The following CAST variants were observed in gnomAD, a reference collection of about 807,000 sequenced individuals.
CAST encodes MIR583 host.
CAST carries 76 observed loss-of-function variants against 119.6 expected under a neutral mutation model. The observed-to-expected ratio is 0.64, with a 90% CI of 0.53 to 0.77. CAST has a LOEUF of 0.77. CAST is among the 30% of genes least tolerant of loss of function. CAST has a pLI of 0.00. For synonymous variants in CAST, 319 were observed against 331.6 expected (o/e 0.96, Z 0.41); for missense variants, 953 against 946.5 (o/e 1.01, Z -0.09).
chr5:96,199,041 G>T, the CAST span, among the ~76,000 whole-genome samples: 50 of 152,210 alleles, frequency 3.3e-4, 1 homozygote, highest in African/African-American at 1.1e-3. Context: ...GAGCCAAAGG[G>T]ACTGGTTTTC....
the CAST span, among the ~76,000 whole-genome samples, chr5:95,982,373 A>G: frequency 4.6e-5 from 7 of 151,850 alleles, no homozygotes; most frequent in African/African-American, 1.7e-4. Flanking sequence ...GATTTGTGTA[A>G]CCACTAGCAC....
the CAST span, among the ~76,000 whole-genome samples, chr5:96,243,763 C>T: frequency 2.6e-5 from 4 of 151,980 alleles, 1 homozygote; most frequent in South Asian, 8.3e-4. Flanking sequence ...TTTTTTCTGC[C>T]CAGATTCATT....
chr5:96,113,708 G>A, the CAST span, among the ~76,000 whole-genome samples: 1 of 152,232 alleles, frequency 6.6e-6, no homozygotes, highest in Non-Finnish European at 1.5e-5. Context: ...CCTTGCAGGA[G>A]TGCCAGTAAG....
chr5:96,150,225 T>G, the CAST span, among the ~76,000 whole-genome samples: 2 of 152,202 alleles, frequency 1.3e-5, no homozygotes, highest in African/African-American at 4.8e-5. Context: ...TCAAGTCCCT[T>G]GGCTTTCTAA....
At chr5:96,708,555 A>G (rs1055830112) in intron 3 of CAST, among the ~76,000 whole-genome samples, 13 of 152,174 alleles carry the variant, frequency 8.5e-5, no homozygotes, top group Non-Finnish European at 4.4e-5. Context: ...CAGTGGCACA[A>G]TCACAGCTCA....
chr5:96,619,354 A>C (rs1747540756), intron 1 of CAST, among the ~76,000 whole-genome samples: 1 of 152,202 alleles, frequency 6.6e-6, no homozygotes. Flanking sequence ...ACCAATCAGC[A>C]CCCTGTCAAA....
At chr5:96,545,256 G>A (rs1745988685) in intron 1 of CAST, 1 of 152,182 alleles carries the variant, frequency 6.6e-6, no homozygotes, top group African/African-American at 2.4e-5. Flanking sequence ...TTGGTTGGAA[G>A]CAAGAATCTC....
the CAST span, among the ~76,000 whole-genome samples, chr5:96,327,054 G>T: frequency 1.3e-5 from 2 of 152,174 alleles, no homozygotes; most frequent in Non-Finnish European, 2.9e-5. Flanking sequence ...TGGGCAAGGG[G>T]ATGGTTTTGG....
rs1040853591 is a variant in CAST at position 96,772,713 on chromosome 5, A to G, written c.*97A>G. ...CAAAAGGCTTTGGCAACAGAAAACA[A>G]TTGTTCTGGGTGATTTCTAGAATGG... is the stretch of plus-strand genomic sequence containing the variant. On this transcript the variant is annotated 3_prime_UTR_variant, in exon 32 of 32. Transcript: ENST00000675179. 1.3e-5 allele frequency: 2 copies of G among 152,714 alleles called. No individual in the cohort carries two copies. Among genetic ancestry groups the G allele is most frequent in the Non-Finnish European group, 1.5e-5 (1 of 67,998 alleles). 9.5% of individuals were successfully genotyped at this position (152,714 alleles called of 1,614,324 possible). A position where few individuals can be genotyped will look rare whatever the true frequency, so the allele number is the denominator to read the frequency against.
chr5:96,672,488 A>G (rs770876780), intron 1 of CAST, among the ~76,000 whole-genome samples: 1 of 152,094 alleles, frequency 6.6e-6, no homozygotes, highest in Non-Finnish European at 1.5e-5. Context: ...GGGTGGATCA[A>G]CTGATGTCAG....
the CAST span, among the ~76,000 whole-genome samples, chr5:96,150,007 T>C: frequency 6.6e-6 from 1 of 152,210 alleles, no homozygotes; most frequent in African/African-American, 2.4e-5. Flanking sequence ...CTTCATCCTA[T>C]TGTATATTTG....
intron 25 of CAST, among the ~76,000 whole-genome samples, chr5:96,764,955 G>A (rs1769323682): frequency 1.3e-5 from 2 of 152,208 alleles, no homozygotes; most frequent in South Asian, 4.1e-4. Flanking sequence ...TTAACCTGGT[G>A]GGATCTTCAC....
chr5:96,383,626 T>G, the CAST span, among the ~76,000 whole-genome samples: 1 of 152,154 alleles, frequency 6.6e-6, no homozygotes, highest in South Asian at 2.1e-4. Context: ...TTTTGTATTT[T>G]TAGTAGAGAT....
At chr5:96,185,818 T>A in the CAST span, among the ~76,000 whole-genome samples, 1 of 152,134 alleles carries the variant, frequency 6.6e-6, no homozygotes, top group Non-Finnish European at 1.5e-5. Flanking sequence ...CTTAGGGTTG[T>A]CTTGGCTATT....
the CAST span, among the ~76,000 whole-genome samples, chr5:96,420,453 T>C: frequency 1.3e-5 from 2 of 152,208 alleles, no homozygotes; most frequent in Admixed American, 6.5e-5. Context: ...ATTGTGTTTT[T>C]ACTGGAATGT....
chr5:96,421,107 C>T, the CAST span, among the ~76,000 whole-genome samples: 3,745 of 152,316 alleles, frequency 0.025, 152 homozygotes, highest in African/African-American at 0.086. Context: ...TGAGGGTCCA[C>T]ATGCCTAGAG....
the CAST span, among the ~76,000 whole-genome samples, chr5:96,255,557 C>T: frequency 9.1e-6 from 1 of 109,712 alleles, no homozygotes; most frequent in African/African-American, 4.6e-5. Context: ...CCAGGTCAGT[C>T]CAAATAACTT....
At chr5:96,236,558 A>C in the CAST span, among the ~76,000 whole-genome samples, 1 of 152,182 alleles carries the variant, frequency 6.6e-6, no homozygotes, top group African/African-American at 2.4e-5. Flanking sequence ...CTGAATTTTT[A>C]AGAGGATTTA....
chr5:96,193,067 C>T, the CAST span, among the ~76,000 whole-genome samples: 2 of 152,116 alleles, frequency 1.3e-5, no homozygotes, highest in African/African-American at 4.8e-5. Context: ...AAAATTAATA[C>T]ATGCGTTTAA....
Sources: gnomAD v4.1 joint callset for allele counts (sites outside exome capture counted in the v4.1 genomes callset) on GRCh38, gnomAD v4.1.1 for gene constraint, MANE v1.5 for transcripts, NCBI Gene and HGNC (gene_info 2026-07-23, HGNC 2026-07-21) for gene names.